The following ZNRF3 variants were observed in gnomAD, a reference collection of about 807,000 sequenced individuals.
ZNRF3 encodes zinc and ring finger 3, also known as E3 ubiquitin-protein ligase ZNRF3.
In ZNRF3, 23 loss-of-function variants were observed where a neutral mutation model predicts 72.5. The ratio of observed to expected loss-of-function variants is 0.32; its 90% CI spans 0.23 to 0.45. The LOEUF is 0.45. ZNRF3 is among the 20% of genes least tolerant of loss of function. The pLI, the probability that ZNRF3 is intolerant of heterozygous loss-of-function variation, is 1.00. For missense variants in ZNRF3, 1,169 were observed against 1,272.1 expected (o/e 0.92, Z 1.23); for synonymous variants, 610 against 545.3 (o/e 1.12, Z -1.65).
At chr22:29,022,334 G>A (rs949721378) in intron 2 of ZNRF3, among the ~76,000 whole-genome samples, 1 of 152,136 alleles carries the variant, frequency 6.6e-6, no homozygotes, top group African/African-American at 2.4e-5. Flanking sequence ...AGCTGTTAAC[G>A]TGACCCCCAA....
intron 1 of ZNRF3, among the ~76,000 whole-genome samples, chr22:28,983,234 G>A (rs117345678): frequency 0.023 from 3,428 of 152,278 alleles, 109 homozygotes; most frequent in East Asian, 0.079. Flanking sequence ...TGATAGAGGA[G>A]TTTGGAGGAG....
chr22:28,909,075 G>T (rs550146349), intron 1 of ZNRF3, among the ~76,000 whole-genome samples: 1,831 of 151,184 alleles, frequency 0.012, 34 homozygotes, highest in African/African-American at 0.04. Context: ...TTTTTTGTGT[G>T]TGTGTATTTT....
At chr22:28,973,613 G>A (rs1004076509) in intron 1 of ZNRF3, among the ~76,000 whole-genome samples, 2 of 152,142 alleles carry the variant, frequency 1.3e-5, no homozygotes, top group Non-Finnish European at 2.9e-5. Context: ...TCAGGGAGTG[G>A]AGAATGAGAG....
intron 2 of ZNRF3, among the ~76,000 whole-genome samples, chr22:29,038,687 T>C (rs1000061703): frequency 6.6e-6 from 1 of 152,142 alleles, no homozygotes; most frequent in Non-Finnish European, 1.5e-5. Flanking sequence ...TTTCTAAATA[T>C]GGGTTATTCA....
Position 29,053,799 on chromosome 22 carries a change from A to G in ZNRF3, c.*177A>G, listed in dbSNP as rs1382981972. 16 of 544,804 alleles carry G rather than the reference A, an allele frequency of 2.9e-5. No homozygotes were observed. Among genetic ancestry groups the G allele is most frequent in the East Asian group, 6.0e-5 (2 of 33,072 alleles). 33.7% of individuals were successfully genotyped at this position (544,804 alleles called of 1,614,324 possible). A position where few individuals can be genotyped will look rare whatever the true frequency, so the allele number is the denominator to read the frequency against. ...GCCCCCTGTGGCAAAACCACCCCCT[A>G]CCCCATTAACAAATCAACAGACAAA... is the stretch of plus-strand genomic sequence containing the variant. On this transcript the variant is annotated 3_prime_UTR_variant, in exon 9 of 9. Transcript: ENST00000544604.
At chr22:28,992,491 A>G (rs1252858179) in intron 2 of ZNRF3, among the ~76,000 whole-genome samples, 1 of 151,914 alleles carries the variant, frequency 6.6e-6, no homozygotes, top group Non-Finnish European at 1.5e-5. Flanking sequence ...GCAGCCCCCC[A>G]GTCTCCCTGG....
At chr22:29,021,039 G>T (rs975709510) in intron 2 of ZNRF3, among the ~76,000 whole-genome samples, 1 of 151,788 alleles carries the variant, frequency 6.6e-6, no homozygotes, top group African/African-American at 2.4e-5. Flanking sequence ...CTTGTGATCC[G>T]CCCACCTCGG....
At chr22:29,014,431 C>T (rs1238191070) in intron 2 of ZNRF3, among the ~76,000 whole-genome samples, 1 of 152,060 alleles carries the variant, frequency 6.6e-6, no homozygotes, top group Non-Finnish European at 1.5e-5. Context: ...TAGGTGAGAC[C>T]CCTGAACCAA....
At chr22:28,992,240 A>G (rs1258037379) in intron 2 of ZNRF3, among the ~76,000 whole-genome samples, 1 of 137,986 alleles carries the variant, frequency 7.2e-6, no homozygotes, top group African/African-American at 2.7e-5. Flanking sequence ...GATGCCTTTT[A>G]GTAGTCAAAG....
chr22:28,999,040 G>A (rs982900724), intron 2 of ZNRF3, among the ~76,000 whole-genome samples: 5 of 152,040 alleles, frequency 3.3e-5, no homozygotes, highest in Admixed American at 1.3e-4. Context: ...TACTGAAGCC[G>A]GGTGCGGTGG....
At chr22:28,926,785 G>A (rs1454535105) in intron 1 of ZNRF3, among the ~76,000 whole-genome samples, 4 of 132,874 alleles carry the variant, frequency 3.0e-5, no homozygotes, top group Admixed American at 2.4e-4. Flanking sequence ...GGCAATGAGC[G>A]AAACTCCATC....
intron 1 of ZNRF3, among the ~76,000 whole-genome samples, chr22:28,920,596 T>A (rs937006375): frequency 2.6e-5 from 4 of 152,234 alleles, no homozygotes; most frequent in African/African-American, 9.6e-5. Flanking sequence ...ATCAGTTATA[T>A]TTCAATACAC....
intron 1 of ZNRF3, among the ~76,000 whole-genome samples, chr22:28,954,815 G>A (rs1350424394): frequency 2.6e-5 from 4 of 151,960 alleles, no homozygotes; most frequent in African/African-American, 4.8e-5. Context: ...GGGTTTCACC[G>A]TGTTGCCCAG....
Position 29,050,945 on chromosome 22 carries a change from G to A in ZNRF3, c.2764G>A (p.Ala922Thr), listed in dbSNP as rs897541627. 1.1e-5 allele frequency: 17 copies of A among 1,508,636 alleles called. No homozygotes were observed. The highest frequency in any genetic ancestry group is 1.5e-5 in the Non-Finnish European group (17 of 1,136,576). 93.5% of individuals were successfully genotyped at this position (1,508,636 alleles called of 1,614,324 possible). Residue 922 changes from alanine (A) to threonine (T), a missense_variant, in exon 8 of 9, where the codon GCA (alanine) becomes ACA (threonine). This residue lies in a region of ZNRF3 where 783 missense variants were observed against 731.4 expected (regional missense o/e 1.07). Transcript: ENST00000544604. ...GTCCAGCACCACTGCCACTGAGGCT[G>A]CAGGTGAGAGCAGGAAATGGCAGTA... is the stretch of plus-strand genomic sequence containing the variant. ...QESSTTATEA[A>T]GPRSHSADSS...
intron 1 of ZNRF3, among the ~76,000 whole-genome samples, chr22:28,955,950 C>T (rs1043022792): frequency 2.0e-5 from 3 of 152,050 alleles, no homozygotes; most frequent in South Asian, 2.1e-4. Context: ...GCCATCTTCT[C>T]GTTTGCCTCA....
At chr22:28,960,538 G>T (rs1298888837) in intron 1 of ZNRF3, among the ~76,000 whole-genome samples, 1 of 152,202 alleles carries the variant, frequency 6.6e-6, no homozygotes, top group Non-Finnish European at 1.5e-5. Flanking sequence ...TAGCAGGGAG[G>T]TCTGGGACTG....
rs142526013 is a variant in ZNRF3, at chr22:29,043,163, C to G, written c.502-136C>G. ...ATTCTCAGCCTTGCTCTTCTGGGAG[C>G]TCCAAGGCTGTAATGTTGGAAGAGC... On this transcript the variant is annotated intron_variant, in intron 3 of 8. Transcript: ENST00000544604. The G allele has an allele frequency of 1.6e-3, 1,613 of 979,056 alleles. 22 individuals carry two copies. In the African/African-American group the frequency reaches 0.024, roughly 15 times the overall value. The allele number at this position is 979,056 out of a possible 1,614,324, so 60.6% of individuals were successfully genotyped here. A position where few individuals can be genotyped will look rare whatever the true frequency, so the allele number is the denominator to read the frequency against.
chr22:29,045,640 C>A (rs1467914394), intron 5 of ZNRF3, among the ~76,000 whole-genome samples: 2 of 152,072 alleles, frequency 1.3e-5, no homozygotes, highest in Non-Finnish European at 2.9e-5. Flanking sequence ...AGGCACCCGG[C>A]TAATTTTTGT....
rs559443550 is a variant in ZNRF3, at chr22:28,963,077, A to G, written c.301-23999A>G. 8.1e-4 allele frequency among the ~76,000 whole-genome samples: 124 copies of G among 152,368 alleles called. 2 individuals are homozygous for G. The South Asian group carries it at 0.022, about 26-fold the overall frequency. ...CAAAAGGGCTCTGGCCAGGGGCCCA[A>G]TACTACTGTGAACAGGATGCAAATG... On this transcript the variant is annotated intron_variant, in intron 1 of 8. Transcript: ENST00000544604.
Sources: gnomAD v4.1 joint callset for allele counts (sites outside exome capture counted in the v4.1 genomes callset) on GRCh38, gnomAD v4.1.1 for gene constraint, gnomAD v4.1.1 regional missense constraint, MANE v1.5 for transcripts, NCBI Gene and HGNC (gene_info 2026-07-23, HGNC 2026-07-21) for gene names.